The following SH3BGR variants were observed in gnomAD, a reference collection of about 807,000 sequenced individuals.
SH3BGR encodes the protein SH3 domain-binding glutamic acid-rich protein.
SH3BGR carries 29 observed loss-of-function variants against 24.5 expected under a neutral mutation model. That is an observed-to-expected ratio of 1.18 (90% CI 0.88 to 1.61). The LOEUF is 1.61. Ranked by LOEUF, SH3BGR falls within the 40% of genes most tolerant of loss-of-function variation. The probability of loss-of-function intolerance (pLI) is 0.00; values close to 1 mark genes in which losing one functional copy is unlikely to be tolerated. For synonymous variants in SH3BGR, 55 were observed against 65.7 expected, an observed-to-expected ratio of 0.84 and a Z score of 0.79; for missense variants, 162 against 205.8, an observed-to-expected ratio of 0.79 and a Z score of 1.30.
intron 3 of SH3BGR, 124 bp from the exon 4 acceptor site, chr21:39,499,699 C>T (rs1423017441): frequency 3.2e-6 from 2 of 625,858 alleles, no homozygotes; most frequent in Admixed American, 6.1e-5. Flanking sequence ...AATGAGTGGG[C>T]AGTCTATGTT....
chr21:39,483,307 A>G (rs2078160721), intron 3 of SH3BGR, among the ~76,000 whole-genome samples: 1 of 152,224 alleles, frequency 6.6e-6, no homozygotes, highest in Non-Finnish European at 1.5e-5. Context: ...ATAAAATAAA[A>G]TAAATGGTTG....
intron 2 of SH3BGR, among the ~76,000 whole-genome samples, chr21:39,470,611 G>C (rs1176684324): frequency 6.6e-6 from 1 of 152,142 alleles, no homozygotes; most frequent in African/African-American, 2.4e-5. Flanking sequence ...TAATCACTCT[G>C]TTTACATGTG....
intron 1 of SH3BGR, among the ~76,000 whole-genome samples, chr21:39,455,430 G>A (rs3787926): frequency 0.14 from 21,897 of 152,194 alleles, 1,908 homozygotes; most frequent in South Asian, 0.18. Flanking sequence ...AAGGGGGAGA[G>A]GTGAAGAGTA....
In SH3BGR at chr21:39,457,408, A is replaced by G. The variant is rs1415374624; in HGVS notation, c.46-4967A>G. On this transcript the variant is annotated intron_variant, in intron 1 of 6. Coordinates refer to ENST00000333634, the MANE Select transcript of SH3BGR (RefSeq NM_007341.3). ...TATTATATAGTTATATATAAATCTT[A>G]TATATAAGATTATTATATATTATAT... Among the ~76,000 whole-genome samples, 6 of 143,630 alleles carry G rather than the reference A, an allele frequency of 4.2e-5. No homozygotes were observed. In the South Asian group the frequency reaches 1.1e-3, roughly 25 times the overall value. 94.2% of individuals were successfully genotyped at this position (143,630 alleles called of 152,430 possible). A position where few individuals can be genotyped will look rare whatever the true frequency, so the allele number is the denominator to read the frequency against.
chr21:39,449,718 G>A (rs1168694983), upstream of SH3BGR, among the ~76,000 whole-genome samples: 1 of 152,168 alleles, frequency 6.6e-6, no homozygotes, highest in African/African-American at 2.4e-5. Context: ...CATGTGGTGT[G>A]GAGAGGAATG....
intron 3 of SH3BGR, among the ~76,000 whole-genome samples, chr21:39,486,072 C>T (rs938191839): frequency 6.6e-6 from 1 of 152,178 alleles, no homozygotes; most frequent in Non-Finnish European, 1.5e-5. Flanking sequence ...GGGCTCTGAG[C>T]AGTCATTCTT....
intron 3 of SH3BGR, among the ~76,000 whole-genome samples, chr21:39,480,990 C>G (rs1212250100): frequency 6.6e-6 from 1 of 152,202 alleles, no homozygotes; most frequent in Non-Finnish European, 1.5e-5. Context: ...GTTCCTTTCC[C>G]CATTCCTGAT....
chr21:39,475,681 G>A (rs985202011), intron 3 of SH3BGR, among the ~76,000 whole-genome samples: 2 of 152,168 alleles, frequency 1.3e-5, no homozygotes, highest in African/African-American at 2.4e-5. Flanking sequence ...GTAAGATCTC[G>A]ATTCAACGAC....
At chr21:39,514,534 G>A (rs918198301) in intron 6 of SH3BGR, among the ~76,000 whole-genome samples, 8 of 151,956 alleles carry the variant, frequency 5.3e-5, no homozygotes, top group East Asian at 1.9e-4. Flanking sequence ...GCTAATTTTC[G>A]TATTTTTTGT....
intron 4 of SH3BGR, 51 bp downstream of exon 4, chr21:39,499,966 G>T: frequency 7.8e-7 from 1 of 1,287,056 alleles, no homozygotes; most frequent in South Asian, 1.2e-5. Context: ...TGCTGTTCGA[G>T]ACTTTTACAG....
At chr21:39,450,623 A>G (rs2077562722), upstream of SH3BGR, among the ~76,000 whole-genome samples, 2 of 152,202 alleles carry the variant, frequency 1.3e-5, no homozygotes, top group Non-Finnish European at 2.9e-5. Flanking sequence ...AGAGAGAGAC[A>G]GTAAGAGACT....
At chr21:39,456,477 T>A (rs2077656001) in intron 1 of SH3BGR, among the ~76,000 whole-genome samples, 1 of 152,232 alleles carries the variant, frequency 6.6e-6, no homozygotes, top group East Asian at 1.9e-4. Flanking sequence ...TCCAACAACC[T>A]GTCATCAGGT....
chr21:39,513,739 T>C (rs1191806061), intron 6 of SH3BGR, among the ~76,000 whole-genome samples: 2 of 152,010 alleles, frequency 1.3e-5, no homozygotes, highest in Non-Finnish European at 2.9e-5. Context: ...TGAAGAATGG[T>C]AGAAAATGAA....
intron 1 of SH3BGR, among the ~76,000 whole-genome samples, chr21:39,458,573 G>T (rs554911715): frequency 6.6e-6 from 1 of 151,714 alleles, no homozygotes; most frequent in Non-Finnish European, 1.5e-5. Flanking sequence ...CCTGACCTCA[G>T]GTGATCCACC....
chr21:39,496,858 G>A (rs963824575), intron 3 of SH3BGR, among the ~76,000 whole-genome samples: 1 of 151,968 alleles, frequency 6.6e-6, no homozygotes, highest in Non-Finnish European at 1.5e-5. Context: ...CAGTGTTCCT[G>A]GATGGAATGA....
At position 39,511,881 on chromosome 21, in the gene SH3BGR, T is replaced by C. The variant is rs992060654; in HGVS notation, c.*34+72T>C. The C allele has an allele frequency of 7.2e-7, 1 of 1,388,052 alleles. No homozygotes were observed. The highest frequency in any genetic ancestry group is 2.5e-5 in the East Asian group (1 of 40,614). 86.0% of individuals were successfully genotyped at this position (1,388,052 alleles called of 1,614,324 possible). ...TATGCTATCTGCGGCACATTTTGCT[T>C]AGTAACAGGAGAAAGGGAATTCCAA... On this transcript the variant is annotated intron_variant, in intron 6 of 6. Transcript: ENST00000333634. The surrounding 1 kb of genome is among the most constrained non-coding windows in gnomAD (Gnocchi z 4.2).
At chr21:39,457,702 C>T (rs1377239686) in intron 1 of SH3BGR, among the ~76,000 whole-genome samples, 1 of 151,834 alleles carries the variant, frequency 6.6e-6, no homozygotes, top group Non-Finnish European at 1.5e-5. Context: ...GAGGCTGAGG[C>T]AGGTGGATCA....
At chr21:39,471,431 CA>C (rs35980354) in intron 2 of SH3BGR, among the ~76,000 whole-genome samples, 45 of 148,034 alleles carry the variant, frequency 3.0e-4, no homozygotes, top group African/African-American at 8.6e-4. Flanking sequence ...ATTAAATTAA[CA>C]AAAAAAAAAT....
At chr21:39,451,964 G>T, upstream of SH3BGR, 1 of 1,614,122 alleles carries the variant, frequency 6.2e-7, no homozygotes, top group Non-Finnish European at 8.5e-7. Flanking sequence ...GGGACTGCCG[G>T]AGCCCAGTGG....
Sources: allele counts gnomAD v4.1 joint callset (sites outside exome capture counted in the v4.1 genomes callset), GRCh38; gene constraint gnomAD v4.1.1; non-coding constraint Gnocchi (gnomAD v3.1); transcripts MANE v1.5; gene names NCBI Gene and HGNC (gene_info 2026-07-23, HGNC 2026-07-21).